The following AMER1 variants were observed in gnomAD, a reference collection of about 807,000 sequenced individuals.
AMER1 encodes the protein APC membrane recruitment protein 1, also known as RP11-403E24.2.
Under a neutral mutation model 53.0 loss-of-function variants are expected in AMER1, and 16 were observed. That is an observed-to-expected ratio of 0.30 (90% confidence interval 0.20 to 0.46). The LOEUF (loss-of-function observed/expected upper bound fraction) is 0.46, where lower values mean the gene tolerates loss of function less well. AMER1 is among the 20% of genes least tolerant of loss of function. The pLI is 1.00. For missense variants in AMER1, 947 were observed against 884.9 expected, an observed-to-expected ratio of 1.07 and a Z score of -0.89; for synonymous variants, 354 against 331.9, an observed-to-expected ratio of 1.07 and a Z score of -0.73.
Position 64,189,735 on chromosome X carries a change from C to T in AMER1, c.*144G>A, listed in dbSNP as rs1008386457. 2.9e-4 allele frequency: 319 copies of T among 1,111,338 alleles called. No individual in the cohort carries two copies. Among genetic ancestry groups the T allele is most frequent in the Non-Finnish European group, 3.7e-4 (310 of 847,568 alleles). The allele number at this position is 1,111,338 out of a possible 1,213,427, so 91.6% of individuals were successfully genotyped here. A position where few individuals can be genotyped will look rare whatever the true frequency, so the allele number is the denominator to read the frequency against. ...TGGCAGAAGAGGCAAGTGGGAAAAC[C>T]AAGGTGAAAACTCACAGGAGTTTTC... On this transcript the variant is annotated 3_prime_UTR_variant, in exon 2 of 2. Coordinates refer to ENST00000374869, the MANE Select transcript of AMER1 (RefSeq NM_152424.4).
chrX:64,202,878 G>A (rs1487155553), intron 1 of AMER1, among the ~76,000 whole-genome samples: 1 of 111,623 alleles, frequency 9.0e-6, no homozygotes, highest in African/African-American at 3.3e-5. Context: ...CCCCTAAAAG[G>A]ATCAGATTTC....
rs781777369 is a variant in AMER1 at position 64,191,066 on chromosome X, G to A, written c.2221C>T (p.Pro741Ser). 8.3e-7 allele frequency: 1 copy of A among 1,211,989 alleles called. No individual in the cohort carries two copies. Among genetic ancestry groups the A allele is most frequent in the Admixed American group, 2.2e-5 (1 of 46,090 alleles). ...DMQEANFGGS[P>S]RRAYPTYSPP... is the part of the protein sequence containing the mutation. ...GAATAAGTAGGGTAGGCCCTCCTGG[G>A]AGATCCTCCAAAATTTGCTTCTTGC... The change falls in exon 2 of 2, where the codon CCC becomes TCC. Residue 741 changes from proline (P) to serine (S), a missense_variant. Pro to Ser is a moderately conservative substitution (Grantham distance 74). Transcript: ENST00000374869.
chrX:64,205,286 G>GCC (rs767491300), intron 1 of AMER1, among the ~76,000 whole-genome samples: 8 of 76,790 alleles, frequency 1.0e-4, no homozygotes, highest in Non-Finnish European at 2.1e-4. Context: ...GCCCATCCCC[G>GCC]CCCCCCCGAA....
In AMER1 at chrX:64,191,029, T is replaced by A. The variant is rs1409968711; in HGVS notation, c.2258A>T (p.Asp753Val). The stretch of plus-strand genomic sequence containing the variant: ...CTTCTCAACCTCCTCTTCCTCTGGA[T>A]CTTCAGGGGGTGAATAAGTAGGGTA... ...RAYPTYSPPEDPEEEEVEKEG... is the reference protein window; with the variant it reads ...RAYPTYSPPEVPEEEEVEKEG... The change falls in exon 2 of 2, where the codon GAT (aspartate) becomes GTT (valine). Residue 753 changes from aspartate to valine, a missense_variant. Asp to Val is a radical substitution (Grantham distance 152). Transcript: ENST00000374869. 8.3e-7 allele frequency: 1 copy of A among 1,212,058 alleles called. No homozygotes were observed. Among genetic ancestry groups the A allele is most frequent in the South Asian group, 1.8e-5 (1 of 56,996 alleles).
rs1481762326 is a variant in AMER1 at position 64,192,372 on chromosome X, C to T, written c.915G>A (p.Val305=). 1.6e-6 allele frequency: 2 copies of T among 1,212,545 alleles called. No homozygotes were observed. Among genetic ancestry groups the T allele is most frequent in the South Asian group, 1.8e-5 (1 of 57,035 alleles). Reference sequence around the variant, plus strand: ...CAAACAAGAGGCTCAGTGGGTCCCCCACAGGGCCATTGGGTGGGTTTACCT... The same window carrying T: ...CAAACAAGAGGCTCAGTGGGTCCCCTACAGGGCCATTGGGTGGGTTTACCT... ...AGEVNPPNGP[V]GDPLSLLFGD... The change falls in exon 2 of 2, where the codon GTG becomes GTA. Residue 305 remains valine, a synonymous_variant. Coordinates refer to ENST00000374869, the MANE Select transcript of AMER1 (RefSeq NM_152424.4).
At chrX:64,204,089 T>C (rs1263635989) in intron 1 of AMER1, among the ~76,000 whole-genome samples, 1 of 112,357 alleles carries the variant, frequency 8.9e-6, no homozygotes, top group Non-Finnish European at 1.9e-5. Context: ...TCCTCTGTCC[T>C]ATTCCTCAAA....
chrX:64,197,228 C>T (rs1009287043), intron 1 of AMER1, among the ~76,000 whole-genome samples: 2 of 112,803 alleles, frequency 1.8e-5, no homozygotes, highest in African/African-American at 6.4e-5. Context: ...TAAGAGAACC[C>T]TCCCAAGCCA....
At position 64,191,429 on chromosome X, in the gene AMER1, C is replaced by T; in HGVS notation, c.1858G>A (p.Gly620Ser). Residue 620 changes from glycine to serine, a missense_variant, in exon 2 of 2, where the codon GGC (glycine) becomes AGC (serine). Transcript: ENST00000374869. ...GCTTCTCGGGTTCTGGCCTCCCTGC[C>T]ATGAGCTTCCCAAGTGTGGGCCTCC... ...AREAHTWEAHGREARTREAQA... is the reference protein window; with the variant it reads ...AREAHTWEAHSREARTREAQA... The T allele has an allele frequency of 8.2e-7, 1 of 1,212,153 alleles. No homozygotes were observed. The highest frequency in any genetic ancestry group is 1.1e-6 in the Non-Finnish European group (1 of 895,572).
In AMER1 at chrX:64,191,218, C is replaced by T. The variant is rs2147086861; in HGVS notation, c.2069G>A (p.Ser690Asn). 3 of 1,212,112 alleles carry T rather than the reference C, an allele frequency of 2.5e-6. No homozygotes were observed. The highest frequency in any genetic ancestry group is 3.3e-6 in the Non-Finnish European group (3 of 895,606). ...GAAGTCCCTCCAGTCTGGCTCGCTG[C>T]TTGCAGTGGTGGGGAAAGCTGAGGT... ...GITSAFPTTA[S>N]SEPDWRDFRP... The change falls in exon 2 of 2, where the codon AGC becomes AAC. Residue 690 changes from serine to asparagine, a missense_variant. Coordinates refer to ENST00000374869, the MANE Select transcript of AMER1 (RefSeq NM_152424.4).
Position 64,191,941 on chromosome X carries a change from G to C in AMER1, c.1346C>G (p.Ala449Gly), listed in dbSNP as rs770483231. 8 of 1,210,137 alleles carry C rather than the reference G, an allele frequency of 6.6e-6. No individual in the cohort carries two copies. The highest frequency in any genetic ancestry group is 8.9e-6 in the Non-Finnish European group (8 of 895,282). Residue 449 changes from alanine (A) to glycine (G), a missense_variant, in exon 2 of 2, where the codon GCC becomes GGC. Coordinates refer to ENST00000374869, the MANE Select transcript of AMER1 (RefSeq NM_152424.4). ...LDPVRSYPGL[A>G]PGELLTPQSD... ...CTGAGGAGTCAAAAGTTCCCCAGGG[G>C]CTAGGCCAGGATAAGACCTAACTGG...
At position 64,186,799 on chromosome X, in the gene AMER1, G is replaced by C; in HGVS notation, c.*3080C>G. The C allele has an allele frequency of 1.3e-6, 1 of 774,339 alleles. No individual in the cohort carries two copies. The highest frequency in any genetic ancestry group is 1.5e-6 in the Non-Finnish European group (1 of 650,877). 63.8% of individuals were successfully genotyped at this position (774,339 alleles called of 1,213,427 possible). On this transcript the variant is annotated 3_prime_UTR_variant, in exon 2 of 2. Transcript: ENST00000374869. ...TTCCTTGGAGACTCTAAAGCACCAAGAAACTGGCATCCTGGCCCTGGGAGA... is the reference window on the plus strand; with the variant it reads ...TTCCTTGGAGACTCTAAAGCACCAACAAACTGGCATCCTGGCCCTGGGAGA...
At chrX:64,197,631 C>T (rs1930401384) in intron 1 of AMER1, among the ~76,000 whole-genome samples, 1 of 112,484 alleles carries the variant, frequency 8.9e-6, no homozygotes, top group African/African-American at 3.2e-5. Context: ...TTCCTCAGGC[C>T]TGTTCCAAAC....
Position 64,188,255 on chromosome X carries a change from T to C in AMER1, c.*1624A>G, listed in dbSNP as rs968183020. The C allele has an allele frequency of 1.1e-5, 9 of 803,049 alleles. No individual in the cohort carries two copies. Among genetic ancestry groups the C allele is most frequent in the Non-Finnish European group, 1.3e-5 (9 of 669,120 alleles). 66.2% of individuals were successfully genotyped at this position (803,049 alleles called of 1,213,427 possible). A position where few individuals can be genotyped will look rare whatever the true frequency, so the allele number is the denominator to read the frequency against. On this transcript the variant is annotated 3_prime_UTR_variant, in exon 2 of 2. Transcript: ENST00000374869. ...GGGCGAGGGTGCAATAATCATAATT[T>C]GAGTGAACACAGCCAAGCAAAAAAT...
rs780325536 is a variant in AMER1 at position 64,186,132 on chromosome X, C to A, written c.*3747G>T. On this transcript the variant is annotated 3_prime_UTR_variant, in exon 2 of 2. Transcript: ENST00000374869. ...GACAAGCTGTCTACCAGGTCCCACACGCCTGAGTCACTTGGCGTTTGTCTT... is the reference window on the plus strand; with the variant it reads ...GACAAGCTGTCTACCAGGTCCCACAAGCCTGAGTCACTTGGCGTTTGTCTT... The A allele has an allele frequency of 8.3e-7, 1 of 1,210,004 alleles. No individual in the cohort carries two copies. The highest frequency in any genetic ancestry group is 1.1e-6 in the Non-Finnish European group (1 of 894,255).
chrX:64,190,205 G>C lies in AMER1; in HGVS notation c.3082C>G (p.Leu1028Val), dbSNP rs1449850982. 8.3e-7 allele frequency: 1 copy of C among 1,211,176 alleles called. No homozygotes were observed. Among genetic ancestry groups the C allele is most frequent in the Non-Finnish European group, 1.1e-6 (1 of 894,996 alleles). ...AGGTTATAGCAAGGGCCCATGGGCA[G>C]GTGTAGGTGTGAGGGACGAGCTAGT... ...PQLARPSHLH[L>V]PMGPCYNLQP... Residue 1028 changes from leucine to valine, a missense_variant, in exon 2 of 2, where the codon CTG becomes GTG. Leu to Val is a conservative substitution (Grantham distance 32, BLOSUM62 1). Transcript: ENST00000374869.
rs748406545 is a variant in AMER1, at chrX:64,191,449, G to T, written c.1838C>A (p.Ala613Asp). 5 of 1,210,420 alleles carry T rather than the reference G, an allele frequency of 4.1e-6. No individual in the cohort carries two copies. The African/African-American group carries it at 5.2e-5, about 13-fold the overall frequency. The part of the protein sequence containing the change: ...AYGREAYARE[A>D]HTWEAHGREA... The stretch of plus-strand genomic sequence containing the variant: ...CCTGCCATGAGCTTCCCAAGTGTGG[G>T]CCTCCCTGGCATAGGCTTCCCTGCC... The change falls in exon 2 of 2, where the codon GCC becomes GAC. Residue 613 changes from alanine (A) to aspartate (D), a missense_variant. By Grantham distance (126) the Ala-to-Asp change is moderately radical (BLOSUM62 -2). Transcript: ENST00000374869.
rs1196061753 is a variant in AMER1 at position 64,190,498 on chromosome X, T to A, written c.2789A>T (p.Glu930Val). The change falls in exon 2 of 2, where the codon GAG (glutamate) becomes GTG (valine). Residue 930 changes from glutamate (E) to valine (V), a missense_variant. Coordinates refer to ENST00000374869, the MANE Select transcript of AMER1 (RefSeq NM_152424.4). Reference sequence around the variant, plus strand: ...TCCTTCTTCCTCCTCTTCGTCCTCCTCATCTGAATCTTCCTGCTGGGCCTG... The same window carrying A: ...TCCTTCTTCCTCCTCTTCGTCCTCCACATCTGAATCTTCCTGCTGGGCCTG... Reference protein sequence around the residue: ...ELQAQQEDSDEEDEEEEEGEW... With the variant: ...ELQAQQEDSDVEDEEEEEGEW... 8.3e-7 allele frequency: 1 copy of A among 1,211,889 alleles called. No individual in the cohort carries two copies. The highest frequency in any genetic ancestry group is 3.0e-5 in the East Asian group (1 of 33,815).
Position 64,192,648 on chromosome X carries a change from C to T in AMER1, c.639G>A (p.Gln213=), listed in dbSNP as rs772750428. 1 of 1,165,383 alleles carries T rather than the reference C, an allele frequency of 8.6e-7. No homozygotes were observed. The highest frequency in any genetic ancestry group is 3.0e-5 in the East Asian group (1 of 33,524). Residue 213 remains glutamine (Q), a synonymous_variant, in exon 2 of 2, where the codon CAG becomes CAA. Transcript: ENST00000374869. ...GGAAGGTCTCCTCAAAGCAGGGCAC[C>T]TGAGGGGCTGAGCTCACGTGCTCAT... ...RPHEHVSSAP[Q]VPCFEETFQA...
Position 64,192,657 on chromosome X carries a change from T to G in AMER1, c.630A>C (p.Ser210=), listed in dbSNP as rs768952195. The change falls in exon 2 of 2, where the codon TCA becomes TCC. Residue 210 remains serine, a synonymous_variant. Transcript: ENST00000374869. ...VRARPHEHVS[S]APQVPCFEET... The stretch of plus-strand genomic sequence containing the variant: ...CCTCAAAGCAGGGCACCTGAGGGGC[T>G]GAGCTCACGTGCTCATGAGGCCTGG... 1 of 1,165,693 alleles carries G rather than the reference T, an allele frequency of 8.6e-7. No homozygotes were observed. The highest frequency in any genetic ancestry group is 2.1e-5 in the South Asian group (1 of 48,740).
Sources: allele counts gnomAD v4.1 joint callset (sites outside exome capture counted in the v4.1 genomes callset), GRCh38; gene constraint gnomAD v4.1.1; transcripts MANE v1.5; gene names NCBI Gene and HGNC (gene_info 2026-07-23, HGNC 2026-07-21).